The following ATP8A1 variants were observed in gnomAD, a reference collection of about 807,000 sequenced individuals.
ATP8A1 encodes the protein phospholipid-transporting ATPase IA.
Under a neutral mutation model 177.7 loss-of-function variants are expected in ATP8A1, and 90 were observed. The ratio of observed to expected loss-of-function variants is 0.51; its 90% CI spans 0.43 to 0.60. The LOEUF is 0.60. ATP8A1 is among the 20% of genes least tolerant of loss of function. The pLI, the probability that ATP8A1 is intolerant of heterozygous loss-of-function variation, is 0.00. For synonymous variants in ATP8A1, 493 were observed against 485.9 expected, an observed-to-expected ratio of 1.01 and a Z score of -0.19; for missense variants, 1,072 against 1,392.8, an observed-to-expected ratio of 0.77 and a Z score of 3.67.
chr4:42,465,132 G>T, intron 25 of ATP8A1, 56 bp from the exon 26 acceptor site: 1 of 1,473,686 alleles, frequency 6.8e-7, no homozygotes, highest in Non-Finnish European at 9.3e-7. Flanking sequence ...ATTTTGAAAT[G>T]CCATCGTGTT....
chr4:42,638,185 T>A (rs1259855044), intron 1 of ATP8A1, among the ~76,000 whole-genome samples: 1 of 152,224 alleles, frequency 6.6e-6, no homozygotes, highest in Non-Finnish European at 1.5e-5. Flanking sequence ...TAATAACCAC[T>A]AATATATTTT....
At position 42,635,766 on chromosome 4, in the gene ATP8A1, C is replaced by T. The variant is rs888207115; in HGVS notation, c.50-8657G>A. Among the ~76,000 whole-genome samples the T allele has an allele frequency of 4.5e-3, 278 of 62,106 alleles. 9 individuals carry two copies. The highest frequency in any genetic ancestry group is 0.01 in the African/African-American group (139 of 13,870). 40.7% of individuals were successfully genotyped at this position (62,106 alleles called of 152,430 possible). A position where few individuals can be genotyped will look rare whatever the true frequency, so the allele number is the denominator to read the frequency against. ...ATATACATATATATACACACACACA[C>T]ACACACACACACACACATATATATA... On this transcript the variant is annotated intron_variant, in intron 1 of 36. Transcript: ENST00000381668.
intron 10 of ATP8A1, 32 bp downstream of exon 10, chr4:42,581,589 G>T: frequency 6.7e-7 from 1 of 1,492,178 alleles, no homozygotes; most frequent in Non-Finnish European, 9.4e-7. Context: ...AAAAGCCTTA[G>T]GTCCAAAAGG....
intron 15 of ATP8A1, among the ~76,000 whole-genome samples, chr4:42,559,263 C>T (rs1730571107): frequency 6.6e-6 from 1 of 152,068 alleles, no homozygotes; most frequent in Non-Finnish European, 1.5e-5. Flanking sequence ...ATATTTCCAA[C>T]TTATAAAGGC....
chr4:42,639,505 A>G (rs1207748921), intron 1 of ATP8A1, among the ~76,000 whole-genome samples: 5 of 152,214 alleles, frequency 3.3e-5, no homozygotes, highest in African/African-American at 1.2e-4. Context: ...TTAAGACTGG[A>G]AAGGTTAGAA....
intron 1 of ATP8A1, among the ~76,000 whole-genome samples, chr4:42,652,221 C>T (rs1246323381): frequency 2.0e-5 from 3 of 152,102 alleles, no homozygotes; most frequent in African/African-American, 7.2e-5. Flanking sequence ...AATAGATTTT[C>T]TCAACCAGTC....
In ATP8A1 at chr4:42,586,333, G is replaced by C; in HGVS notation, c.722+16C>G. The C allele has an allele frequency of 6.2e-7, 1 of 1,612,736 alleles. No homozygotes were observed. The highest frequency in any genetic ancestry group is 8.5e-7 in the Non-Finnish European group (1 of 1,179,440). ...ACAGTGGATTCTGTGTTTTTATAAA[G>C]ACGGATTTTACATACCCATGTCCAT... On this transcript the variant is annotated intron_variant, in intron 9 of 36. Transcript: ENST00000381668.
In ATP8A1 at chr4:42,556,005, C is replaced by T. The variant is rs1427637520; in HGVS notation, c.1376G>A (p.Ser459Asn). The T allele has an allele frequency of 6.2e-7, 1 of 1,611,928 alleles. No homozygotes were observed. Among genetic ancestry groups the T allele is most frequent in the Non-Finnish European group, 8.5e-7 (1 of 1,178,884 alleles). ...GAGATTTTCCAGCAATGATGAATCA[C>T]TAAATGTTTTTTCATCTCCAAACTG... is the stretch of plus-strand genomic sequence containing the variant. ...NSQFGDEKTF[S>N]DSSLLENLQN... Residue 459 changes from serine (S) to asparagine (N), a missense_variant, in exon 16 of 37, where the codon AGT becomes AAT. By Grantham distance (46) the Ser-to-Asn change is conservative. This residue lies in a region of ATP8A1 where 388 missense variants were observed against 471.7 expected (regional missense o/e 0.82). Coordinates refer to ENST00000381668, the MANE Select transcript of ATP8A1 (RefSeq NM_006095.2).
intron 1 of ATP8A1, among the ~76,000 whole-genome samples, chr4:42,648,208 T>C (rs1191771697): frequency 1.3e-5 from 2 of 152,078 alleles, no homozygotes; most frequent in African/African-American, 2.4e-5. Flanking sequence ...TAAATTCTAG[T>C]AGAAAAATAC....
At chr4:42,633,741 T>C (rs1278074477) in intron 1 of ATP8A1, among the ~76,000 whole-genome samples, 14 of 152,170 alleles carry the variant, frequency 9.2e-5, no homozygotes, top group Admixed American at 7.2e-4. Flanking sequence ...AGTAAGAGTT[T>C]AGTAATGAAT....
At chr4:42,573,117 G>C (rs1732070006) in intron 14 of ATP8A1, among the ~76,000 whole-genome samples, 1 of 152,196 alleles carries the variant, frequency 6.6e-6, no homozygotes, top group Admixed American at 6.5e-5. Context: ...GAAGAAAACA[G>C]AGGCTAGATC....
chr4:42,517,233 G>A (rs906019196), intron 22 of ATP8A1, among the ~76,000 whole-genome samples: 14 of 150,926 alleles, frequency 9.3e-5, no homozygotes, highest in Admixed American at 5.9e-4. Flanking sequence ...CCCAGGAGGC[G>A]GAGGTTGCAC....
At chr4:42,602,043 A>T (rs1735332535) in intron 5 of ATP8A1, among the ~76,000 whole-genome samples, 1 of 152,104 alleles carries the variant, frequency 6.6e-6, no homozygotes, top group African/African-American at 2.4e-5. Context: ...TATATGGGAC[A>T]TTCAGATGCT....
At chr4:42,481,109 T>TA (rs1442059730) in intron 25 of ATP8A1, among the ~76,000 whole-genome samples, 1 of 152,186 alleles carries the variant, frequency 6.6e-6, no homozygotes, top group East Asian at 1.9e-4. Context: ...CACACAGTAA[T>TA]ACTTCACTGC....
chr4:42,508,167 C>T (rs1724644250), intron 22 of ATP8A1, among the ~76,000 whole-genome samples: 1 of 152,136 alleles, frequency 6.6e-6, no homozygotes, highest in Non-Finnish European at 1.5e-5. Flanking sequence ...GAGTCTTGCT[C>T]TGTTGCTCAG....
chr4:42,543,129 T>C (rs1171742592), intron 20 of ATP8A1, among the ~76,000 whole-genome samples: 2 of 152,146 alleles, frequency 1.3e-5, no homozygotes, highest in South Asian at 2.1e-4. Context: ...CATTCAAAAA[T>C]TGCATTTCAT....
intron 19 of ATP8A1, among the ~76,000 whole-genome samples, chr4:42,548,412 T>A (rs1423995050): frequency 6.6e-6 from 1 of 152,190 alleles, no homozygotes; most frequent in Non-Finnish European, 1.5e-5. Context: ...TTTTCTAAAT[T>A]TTAAAATTGA....
chr4:42,582,488 A>C (rs926696228), intron 9 of ATP8A1, among the ~76,000 whole-genome samples: 11 of 148,966 alleles, frequency 7.4e-5, no homozygotes, highest in Non-Finnish European at 8.9e-5. Flanking sequence ...CACACCACAC[A>C]CACCCACCCC....
At chr4:42,612,647 T>C (rs573679282) in intron 5 of ATP8A1, among the ~76,000 whole-genome samples, 169 of 151,984 alleles carry the variant, frequency 1.1e-3, no homozygotes, top group African/African-American at 3.8e-3. Context: ...TATATATCTC[T>C]GGGGCAAGGC....
Sources: allele counts gnomAD v4.1 joint callset (sites outside exome capture counted in the v4.1 genomes callset), GRCh38; gene constraint gnomAD v4.1.1; regional missense constraint gnomAD v4.1.1; transcripts MANE v1.5; gene names NCBI Gene and HGNC (gene_info 2026-07-23, HGNC 2026-07-21).